The following GRIN2A variants were observed in gnomAD, a reference collection of about 807,000 sequenced individuals.
GRIN2A encodes glutamate ionotropic receptor NMDA type subunit 2A.
Under a neutral mutation model 113.4 loss-of-function variants are expected in GRIN2A, and 22 were observed. The ratio of observed to expected loss-of-function variants is 0.19; its 90% CI spans 0.14 to 0.28. GRIN2A has a LOEUF of 0.28. GRIN2A is among the 10% of genes least tolerant of loss of function. GRIN2A has a pLI of 1.00. For synonymous variants in GRIN2A, 827 were observed against 738.4 expected, an observed-to-expected ratio of 1.12 and a Z score of -1.94; for missense variants, 1,502 against 1,887.0, an observed-to-expected ratio of 0.80 and a Z score of 3.78.
At position 9,938,453 on chromosome 16, in the gene GRIN2A, G is replaced by A. The variant is rs746456392; in HGVS notation, c.513C>T (p.Ser171=). The change falls in exon 3 of 13, where the codon TCC becomes TCT. Residue 171 remains serine (S), a synonymous_variant. Transcript: ENST00000330684. ...AGCCAGGGAAGATAGTGGTCACCAG[G>A]GAGAAGACATGCCAGTCATAATCCT... The part of the protein sequence containing the change: ...IMQDYDWHVF[S]LVTTIFPGYR... 6.2e-7 allele frequency: 1 copy of A among 1,613,892 alleles called. No homozygotes were observed. The highest frequency in any genetic ancestry group is 8.5e-7 in the Non-Finnish European group (1 of 1,179,952).
At chr16:10,102,140 T>TTGGG (rs1302934620) in intron 2 of GRIN2A, among the ~76,000 whole-genome samples, 2 of 152,328 alleles carry the variant, frequency 1.3e-5, no homozygotes, top group East Asian at 3.9e-4. Context: ...CTGATATGGT[T>TTGGG]TGGGTGTTTG....
At chr16:9,805,636 C>T (rs960612543) in intron 10 of GRIN2A, 4 of 152,166 alleles carry the variant, frequency 2.6e-5, no homozygotes, top group African/African-American at 9.6e-5. Flanking sequence ...TCAGTATTCT[C>T]ATCTGTAAGA....
intron 4 of GRIN2A, among the ~76,000 whole-genome samples, chr16:9,882,523 ATG>A (rs2043501752): frequency 6.6e-6 from 1 of 152,222 alleles, no homozygotes; most frequent in Admixed American, 6.5e-5. Flanking sequence ...GCGGTGCCTC[ATG>A]CCTGTAATTC....
At chr16:9,819,398 G>A (rs1381769765) in intron 10 of GRIN2A, among the ~76,000 whole-genome samples, 2 of 151,780 alleles carry the variant, frequency 1.3e-5, no homozygotes, top group Non-Finnish European at 2.9e-5. Context: ...GTGCTTGCCT[G>A]TAGTCCCAGC....
At chr16:9,903,637 A>T (rs555309679) in intron 3 of GRIN2A, among the ~76,000 whole-genome samples, 2 of 152,224 alleles carry the variant, frequency 1.3e-5, no homozygotes, top group South Asian at 4.2e-4. Context: ...ACCCCTCATG[A>T]TCATCTCAAA....
chr16:9,963,015 G>A (rs375706615), intron 2 of GRIN2A, among the ~76,000 whole-genome samples: 9 of 150,614 alleles, frequency 6.0e-5, no homozygotes, highest in East Asian at 2.0e-4. Context: ...GCAAACTATC[G>A]CAAGGACAAA....
intron 3 of GRIN2A, among the ~76,000 whole-genome samples, chr16:9,904,977 T>A (rs965559383): frequency 2.0e-5 from 3 of 152,206 alleles, no homozygotes; most frequent in African/African-American, 7.2e-5. Context: ...AAAATTTCAA[T>A]GCTAAAACCA....
rs778499284 is a variant in GRIN2A at position 10,180,138 on chromosome 16, C to T, written c.274G>A (p.Gly92Arg). The change falls in exon 2 of 13, where the codon GGG (glycine) becomes AGG (arginine). Residue 92 changes from glycine to arginine, a missense_variant. Around this residue, in one of 7 missense-constraint regions of GRIN2A, gnomAD observed 149 missense variants for 179.1 expected, o/e 0.83. Coordinates refer to ENST00000330684, the MANE Select transcript of GRIN2A (RefSeq NM_001134407.3). This position sits in a 1 kb window ranked among gnomAD's most constrained non-coding sequence, Gnocchi z 7.0. ...AACACGAGGCCGTGGATGCGTGCCC[C>T]GGACATGAGGTCGCACACGTGCGTG... ...LITHVCDLMS[G>R]ARIHGLVFGD... The T allele has an allele frequency of 1.2e-6, 2 of 1,614,206 alleles. No homozygotes were observed. The highest frequency in any genetic ancestry group is 1.1e-5 in the South Asian group (1 of 91,086).
At position 9,947,278 on chromosome 16, in the gene GRIN2A, G is replaced by A. The variant is rs1426501658; in HGVS notation, c.415-8727C>T. On this transcript the variant is annotated intron_variant, in intron 2 of 12. Coordinates refer to ENST00000330684, the MANE Select transcript of GRIN2A (RefSeq NM_001134407.3). Reference sequence around the variant, plus strand: ...TTTTCTCTAATATGTGCTGAGATTGGTTTCTTCTCAAAGACTCTGACAGCC... The same window carrying A: ...TTTTCTCTAATATGTGCTGAGATTGATTTCTTCTCAAAGACTCTGACAGCC... Among the ~76,000 whole-genome samples the A allele has an allele frequency of 2.4e-4, 37 of 152,052 alleles. 1 individual carries two copies. The highest frequency in any genetic ancestry group is 1.6e-4 in the Non-Finnish European group (11 of 68,012).
chr16:9,800,247 T>C (rs1410758150), intron 10 of GRIN2A, among the ~76,000 whole-genome samples: 1 of 152,142 alleles, frequency 6.6e-6, no homozygotes, highest in Non-Finnish European at 1.5e-5. Context: ...AGTGCTGGGA[T>C]TACAGGTGCT....
intron 2 of GRIN2A, among the ~76,000 whole-genome samples, chr16:9,969,159 T>C (rs964310914): frequency 1.3e-5 from 2 of 152,184 alleles, no homozygotes; most frequent in African/African-American, 4.8e-5. Flanking sequence ...GCCATCCTGT[T>C]GCACAAAACA....
rs563779542 is a variant in GRIN2A at position 9,834,112 on chromosome 16, T to G, written c.1770A>C (p.Lys590Asn). The change falls in exon 8 of 13, where the codon AAA (lysine) becomes AAC (asparagine). Residue 590 changes from lysine to asparagine, a missense_variant. Physicochemically the swap from Lys to Asn is moderately conservative, Grantham distance 94. Coordinates refer to ENST00000330684, the MANE Select transcript of GRIN2A (RefSeq NM_001134407.3). ...SPVGYNRNLAKGKAPHGPSFT... is the reference protein window; with the variant it reads ...SPVGYNRNLANGKAPHGPSFT... ...TCATGAAGGTACCCTTACCTTTCCC[T>G]TTGGCTAAGTTTCTGTTGTATCCAA... 1.2e-5 allele frequency: 19 copies of G among 1,613,674 alleles called. No individual in the cohort carries two copies. The East Asian group carries it at 3.8e-4, about 32-fold the overall frequency.
intron 2 of GRIN2A, among the ~76,000 whole-genome samples, chr16:10,065,174 C>A (rs2047624528): frequency 6.6e-6 from 1 of 152,186 alleles, no homozygotes; most frequent in Non-Finnish European, 1.5e-5. Context: ...TTTTAAGGTA[C>A]CTCGCCTGCC....
intron 2 of GRIN2A, among the ~76,000 whole-genome samples, chr16:9,946,862 C>T (rs982220623): frequency 6.6e-6 from 1 of 152,162 alleles, no homozygotes; most frequent in Admixed American, 6.6e-5. Context: ...GCTGTAAGAT[C>T]GAGAGTTACC....
chr16:10,047,741 C>G (rs1596460306), intron 2 of GRIN2A, among the ~76,000 whole-genome samples: 1 of 152,282 alleles, frequency 6.6e-6, no homozygotes, highest in East Asian at 1.9e-4. Flanking sequence ...GTTAATATAT[C>G]CTTTTCTGCC....
intron 2 of GRIN2A, among the ~76,000 whole-genome samples, chr16:10,035,722 ATTT>A (rs574342443): frequency 0.25 from 35,573 of 140,538 alleles, 4,667 homozygotes; most frequent in East Asian, 0.5. Context: ...TGGATGATCG[ATTT>A]TTTTTTTTTT....
At chr16:10,004,388 C>CA (rs890517757) in intron 2 of GRIN2A, among the ~76,000 whole-genome samples, 2,827 of 136,904 alleles carry the variant, frequency 0.021, 39 homozygotes, top group South Asian at 0.073. Context: ...GACTCCATCT[C>CA]AAAAAAAAAA....
intron 11 of GRIN2A, among the ~76,000 whole-genome samples, chr16:9,773,784 T>C (rs1196467380): frequency 6.6e-6 from 1 of 152,232 alleles, no homozygotes; most frequent in Non-Finnish European, 1.5e-5. Flanking sequence ...CAGCCACAAG[T>C]ATCTCTACTA....
At chr16:9,801,984 A>G (rs544868412) in intron 10 of GRIN2A, among the ~76,000 whole-genome samples, 39 of 152,344 alleles carry the variant, frequency 2.6e-4, no homozygotes, top group Non-Finnish European at 4.4e-4. Context: ...GGGCATACAC[A>G]GTCCCCTCCC....
Sources: gnomAD v4.1 joint callset for allele counts (sites outside exome capture counted in the v4.1 genomes callset) on GRCh38, gnomAD v4.1.1 for gene constraint, gnomAD v4.1.1 regional missense constraint, Gnocchi (gnomAD v3.1) non-coding constraint, MANE v1.5 for transcripts, NCBI Gene and HGNC (gene_info 2026-07-23, HGNC 2026-07-21) for gene names.